The following RBPMS variants were observed in gnomAD, a reference collection of about 807,000 sequenced individuals.
The protein encoded by RBPMS is RNA-binding protein with multiple splicing.
In RBPMS, 7 loss-of-function variants were observed where a neutral mutation model predicts 26.8. The ratio of observed to expected loss-of-function variants is 0.26; its 90% CI spans 0.15 to 0.49. RBPMS has a LOEUF of 0.49. RBPMS is among the 20% of genes least tolerant of loss of function. The pLI, the probability that RBPMS is intolerant of heterozygous loss-of-function variation, is 0.98. For missense variants in RBPMS, 186 were observed against 250.0 expected (o/e 0.74, Z 1.73); for synonymous variants, 96 against 93.3 (o/e 1.03, Z -0.17).
chr8:30,462,580 C>G (rs1019568158), intron 1 of RBPMS, among the ~76,000 whole-genome samples: 1 of 152,094 alleles, frequency 6.6e-6, no homozygotes, highest in Non-Finnish European at 1.5e-5. Flanking sequence ...ACCACCACGC[C>G]CAGCTAATTT....
At chr8:30,456,878 G>A (rs1011747255) in intron 1 of RBPMS, among the ~76,000 whole-genome samples, 1 of 152,196 alleles carries the variant, frequency 6.6e-6, no homozygotes, top group Admixed American at 6.5e-5. Context: ...CCGAGATCAC[G>A]CCACTGTACT....
At chr8:30,556,503 G>C in intron 6 of RBPMS, 1 of 986,044 alleles carries the variant, frequency 1.0e-6, no homozygotes. Context: ...TCCCCGGGCA[G>C]CCCTCCCCCT....
intron 1 of RBPMS, 132 bp downstream of exon 1, chr8:30,385,290 T>G: frequency 3.6e-6 from 2 of 561,002 alleles, no homozygotes; most frequent in East Asian, 7.4e-5. Flanking sequence ...AGCCCCACAG[T>G]GTGGCCCGGG....
chr8:30,527,948 G>A (rs1823767941), intron 5 of RBPMS, among the ~76,000 whole-genome samples: 1 of 152,198 alleles, frequency 6.6e-6, no homozygotes, highest in Non-Finnish European at 1.5e-5. Flanking sequence ...AGCCAAGGCG[G>A]GTGGATCACC....
intron 1 of RBPMS, among the ~76,000 whole-genome samples, chr8:30,446,061 A>G (rs1180510049): frequency 1.3e-5 from 2 of 152,250 alleles, no homozygotes; most frequent in Non-Finnish European, 2.9e-5. Flanking sequence ...GGAGCATTAA[A>G]TCAAAATTGC....
At position 30,558,956 on chromosome 8, in the gene RBPMS, T is replaced by C; in HGVS notation, c.*7T>C. Reference sequence around the variant, plus strand: ...GTCCCGTCAGTTCTGCTGAATACTATGTAAGTACTCGCTTTCCTTTGGAAT... The same window carrying C: ...GTCCCGTCAGTTCTGCTGAATACTACGTAAGTACTCGCTTTCCTTTGGAAT... On this transcript the variant is annotated splice_region_variant and 3_prime_UTR_variant, in exon 7 of 9. Transcript: ENST00000397323. 1.9e-6 allele frequency: 3 copies of C among 1,613,334 alleles called. No homozygotes were observed. Among genetic ancestry groups the C allele is most frequent in the Non-Finnish European group, 8.5e-7 (1 of 1,179,330 alleles).
chr8:30,455,783 G>A (rs999612016), intron 1 of RBPMS, among the ~76,000 whole-genome samples: 1 of 152,132 alleles, frequency 6.6e-6, no homozygotes. Flanking sequence ...GCAACTACTC[G>A]GGAGGCTGAG....
At chr8:30,498,814 T>G (rs557108658) in intron 4 of RBPMS, among the ~76,000 whole-genome samples, 5 of 152,120 alleles carry the variant, frequency 3.3e-5, no homozygotes, top group Admixed American at 6.5e-5. Context: ...CCAAATGGTG[T>G]TAGATTGGAA....
At chr8:30,476,050 C>T (rs146095757) in intron 2 of RBPMS, among the ~76,000 whole-genome samples, 32 of 152,228 alleles carry the variant, frequency 2.1e-4, no homozygotes, top group East Asian at 9.6e-4. Flanking sequence ...AAACTTTTAA[C>T]GCAAATTGAT....
chr8:30,545,391 G>C (rs1201027296), intron 6 of RBPMS: 1 of 1,097,160 alleles, frequency 9.1e-7, no homozygotes, highest in Non-Finnish European at 1.1e-6. Flanking sequence ...GTAGTAATCA[G>C]TGTAAAGATT....
intron 6 of RBPMS, among the ~76,000 whole-genome samples, chr8:30,554,775 C>T (rs913743314): frequency 1.3e-5 from 2 of 152,152 alleles, no homozygotes; most frequent in African/African-American, 2.4e-5. Flanking sequence ...AGAAAACAGT[C>T]CAACCAGAGA....
chr8:30,436,818 T>C (rs1000659138), intron 1 of RBPMS, among the ~76,000 whole-genome samples: 2 of 152,222 alleles, frequency 1.3e-5, no homozygotes, highest in Non-Finnish European at 2.9e-5. Flanking sequence ...TGGATTTTGT[T>C]CTAAAAGAGG....
intron 5 of RBPMS, among the ~76,000 whole-genome samples, chr8:30,518,715 T>TTTTTTTTTTTTTTC (rs1554533805): frequency 7.7e-5 from 10 of 129,976 alleles, no homozygotes; most frequent in African/African-American, 2.6e-4. Flanking sequence ...TTTTTTTTTT[T>TTTTTTTTTTTTTTC]CTGAAAAGGA....
rs373696135 is a variant in RBPMS at position 30,537,535 on chromosome 8, T to G, written c.398-6959T>G. ...AGTAGGGATGGGAATGAGAAAGACA[T>G]AGAGAATATGTCTTTACATAGAGAA... On this transcript the variant is annotated intron_variant, in intron 5 of 8. Transcript: ENST00000397323. The G allele has an allele frequency of 6.4e-5, 29 of 454,570 alleles. No homozygotes were observed. In the East Asian group the frequency reaches 1.0e-3, roughly 16 times the overall value. 28.2% of individuals were successfully genotyped at this position (454,570 alleles called of 1,614,324 possible).
At chr8:30,531,976 T>A (rs1824268837) in intron 5 of RBPMS, among the ~76,000 whole-genome samples, 1 of 152,148 alleles carries the variant, frequency 6.6e-6, no homozygotes, top group Non-Finnish European at 1.5e-5. Flanking sequence ...TTAATAAAGT[T>A]AAGTAGATTT....
At chr8:30,549,804 T>TCCCC (rs199583737) in intron 6 of RBPMS, among the ~76,000 whole-genome samples, 3,649 of 102,238 alleles carry the variant, frequency 0.036, 107 homozygotes, top group Middle Eastern at 0.056. Flanking sequence ...CTCCCCTCTC[T>TCCCC]CCTCTCTCTC....
At chr8:30,473,163 G>A (rs1817318751) in intron 1 of RBPMS, among the ~76,000 whole-genome samples, 2 of 152,130 alleles carry the variant, frequency 1.3e-5, no homozygotes, top group Admixed American at 1.3e-4. Flanking sequence ...GATGTTTTGT[G>A]TGTTTGACCC....
chr8:30,561,210 T>C (rs1827453563), intron 7 of RBPMS, among the ~76,000 whole-genome samples: 2 of 152,338 alleles, frequency 1.3e-5, no homozygotes, highest in Middle Eastern at 3.4e-3. Flanking sequence ...TATAAGACTA[T>C]ATCTGAGATA....
At chr8:30,419,946 C>G (rs549451271) in intron 1 of RBPMS, among the ~76,000 whole-genome samples, 1 of 152,242 alleles carries the variant, frequency 6.6e-6, no homozygotes, top group African/African-American at 2.4e-5. Context: ...CTGAATAGGT[C>G]TGGTGCAGTG....
Sources: gnomAD v4.1 joint callset for allele counts (sites outside exome capture counted in the v4.1 genomes callset) on GRCh38, gnomAD v4.1.1 for gene constraint, MANE v1.5 for transcripts, NCBI Gene and HGNC (gene_info 2026-07-23, HGNC 2026-07-21) for gene names.